FBXL17: variants seen among roughly 807,000 people sequenced by gnomAD.
The protein encoded by FBXL17 is F-box/LRR-repeat protein 17.
FBXL17 carries 22 observed loss-of-function variants against 66.2 expected under a neutral mutation model. The ratio of observed to expected loss-of-function variants is 0.33; its 90% CI spans 0.24 to 0.47. FBXL17 has a LOEUF of 0.47. FBXL17 is among the 20% of genes least tolerant of loss of function. The pLI is 1.00. For missense variants in FBXL17, 878 were observed against 948.2 expected, an observed-to-expected ratio of 0.93 and a Z score of 0.97; for synonymous variants, 474 against 400.5, an observed-to-expected ratio of 1.18 and a Z score of -2.19.
chr5:108,048,712 C>T (rs1359134459), intron 6 of FBXL17, among the ~76,000 whole-genome samples: 1 of 152,146 alleles, frequency 6.6e-6, no homozygotes, highest in African/African-American at 2.4e-5. Flanking sequence ...ATATCAGAGT[C>T]TGAAGGCCAC....
chr5:108,172,417 C>A (rs1752640341), intron 6 of FBXL17, among the ~76,000 whole-genome samples: 1 of 152,156 alleles, frequency 6.6e-6, no homozygotes, highest in Admixed American at 6.5e-5. Flanking sequence ...GGAGGACAGG[C>A]AACGTCATAT....
rs532545532 is a variant in FBXL17 at position 107,928,646 on chromosome 5, G to T, written c.1823-47467C>A. Among the ~76,000 whole-genome samples the T allele has an allele frequency of 1.6e-3, 236 of 152,092 alleles. 1 individual carries two copies. Among genetic ancestry groups the T allele is most frequent in the Non-Finnish European group, 2.3e-3 (155 of 67,930 alleles). The stretch of plus-strand genomic sequence containing the variant: ...TCAATAGCTTCAAAAATTCATTTTT[G>T]GGGGGAAGGAGAGAGCTTGATGAGA... On this transcript the variant is annotated intron_variant, in intron 7 of 8. Coordinates refer to ENST00000542267, the MANE Select transcript of FBXL17 (RefSeq NM_001163315.3).
At chr5:107,952,774 C>T (rs970636039) in intron 7 of FBXL17, among the ~76,000 whole-genome samples, 3 of 152,164 alleles carry the variant, frequency 2.0e-5, no homozygotes, top group African/African-American at 7.2e-5. Flanking sequence ...TTAAACTATA[C>T]AGTGTACATG....
intron 7 of FBXL17, among the ~76,000 whole-genome samples, chr5:107,904,448 A>G (rs999063): frequency 0.8 from 122,379 of 152,168 alleles, 49,635 homozygotes; most frequent in African/African-American, 0.85. Context: ...TCTTGACTCC[A>G]GTCTTGCCCC....
At chr5:108,314,213 T>G (rs1193568799) in intron 4 of FBXL17, among the ~76,000 whole-genome samples, 1 of 151,728 alleles carries the variant, frequency 6.6e-6, no homozygotes, top group African/African-American at 2.4e-5. Flanking sequence ...TATTTTCACA[T>G]TCTTCTGAAT....
At chr5:107,982,343 G>A (rs1752860924) in intron 7 of FBXL17, among the ~76,000 whole-genome samples, 1 of 152,002 alleles carries the variant, frequency 6.6e-6, no homozygotes, top group Non-Finnish European at 1.5e-5. Flanking sequence ...TTTTATATTA[G>A]GATGTCAAGG....
chr5:108,002,262 G>A (rs1201396032), intron 7 of FBXL17, among the ~76,000 whole-genome samples: 3 of 144,110 alleles, frequency 2.1e-5, no homozygotes, highest in Non-Finnish European at 4.5e-5. Flanking sequence ...GACCTCAGGT[G>A]TTCCACCCAC....
At chr5:107,877,950 T>C (rs1561514479) in intron 8 of FBXL17, among the ~76,000 whole-genome samples, 1 of 152,196 alleles carries the variant, frequency 6.6e-6, no homozygotes, top group Admixed American at 6.5e-5. Context: ...TCTCTATTCT[T>C]ATTTTTCACT....
intron 6 of FBXL17, among the ~76,000 whole-genome samples, chr5:108,085,557 CT>C (rs1748935557): frequency 6.6e-6 from 1 of 152,234 alleles, no homozygotes. Context: ...TATCTCCGGA[CT>C]GTGCCTGAAC....
chr5:108,002,306 A>C (rs6864189), intron 7 of FBXL17, among the ~76,000 whole-genome samples: 1 of 150,912 alleles, frequency 6.6e-6, no homozygotes, highest in Non-Finnish European at 1.5e-5. Context: ...TTACAGGCAC[A>C]AGCCACCGCG....
chr5:108,249,534 T>C (rs1005463384), intron 4 of FBXL17, among the ~76,000 whole-genome samples: 1 of 152,132 alleles, frequency 6.6e-6, no homozygotes, highest in Non-Finnish European at 1.5e-5. Flanking sequence ...AATTCTACAT[T>C]TAACTTATTC....
At chr5:108,201,681 C>T (rs985386954) in intron 5 of FBXL17, among the ~76,000 whole-genome samples, 2 of 151,674 alleles carry the variant, frequency 1.3e-5, no homozygotes, top group African/African-American at 4.8e-5. Flanking sequence ...TCTCATTAAG[C>T]TCCAAACCTG....
intron 6 of FBXL17, among the ~76,000 whole-genome samples, chr5:108,044,614 T>C (rs1747180325): frequency 6.6e-6 from 1 of 152,202 alleles, no homozygotes. Flanking sequence ...TGTATTTTTT[T>C]CTGATTTTGC....
At chr5:108,157,917 T>C (rs1752055846) in intron 6 of FBXL17, among the ~76,000 whole-genome samples, 1 of 152,062 alleles carries the variant, frequency 6.6e-6, no homozygotes, top group Non-Finnish European at 1.5e-5. Context: ...TTTCATTTAA[T>C]GTGTCTGCTT....
At chr5:108,315,742 CT>C (rs1759333395) in intron 4 of FBXL17, among the ~76,000 whole-genome samples, 1 of 151,392 alleles carries the variant, frequency 6.6e-6, no homozygotes, top group Admixed American at 6.6e-5. Flanking sequence ...TGAAATTAGG[CT>C]TGCTAATCAA....
intron 6 of FBXL17, among the ~76,000 whole-genome samples, chr5:108,126,731 A>G (rs1229677104): frequency 6.7e-6 from 1 of 150,192 alleles, no homozygotes; most frequent in African/African-American, 2.4e-5. Context: ...TTTCTAAAAG[A>G]AGGGTCAGAT....
intron 4 of FBXL17, among the ~76,000 whole-genome samples, chr5:108,250,871 C>T (rs953249258): frequency 1.3e-5 from 2 of 151,900 alleles, no homozygotes; most frequent in African/African-American, 4.8e-5. Flanking sequence ...GCTTTTTTTA[C>T]TTAAAATATC....
chr5:108,056,615 C>G (rs931463576), intron 6 of FBXL17, among the ~76,000 whole-genome samples: 12 of 152,060 alleles, frequency 7.9e-5, no homozygotes, highest in Non-Finnish European at 1.5e-5. Context: ...ATGTAGGCAG[C>G]CACAGTGTTG....
intron 6 of FBXL17, among the ~76,000 whole-genome samples, chr5:108,072,016 C>A (rs1175430325): frequency 6.6e-6 from 1 of 152,076 alleles, no homozygotes; most frequent in Non-Finnish European, 1.5e-5. Context: ...TTCTTAGTTT[C>A]CTAACATAAA....
Sources: allele counts gnomAD v4.1 joint callset (sites outside exome capture counted in the v4.1 genomes callset), GRCh38; gene constraint gnomAD v4.1.1; transcripts MANE v1.5; gene names NCBI Gene and HGNC (gene_info 2026-07-23, HGNC 2026-07-21).